Variants in DDX46 observed in about 807,000 individuals in gnomAD.
DDX46 encodes DEAD-box helicase 46.
DDX46 carries 30 observed loss-of-function variants against 134.9 expected under a neutral mutation model. That is an observed-to-expected ratio of 0.22 (90% CI 0.17 to 0.30). The LOEUF is 0.30. Among genes scored for constraint, DDX46 ranks in the 10% least tolerant of loss-of-function variants. DDX46 has a pLI of 1.00. For missense variants in DDX46, 622 were observed against 1,248.7 expected (o/e 0.50, Z 7.56); for synonymous variants, 415 against 404.1 (o/e 1.03, Z -0.32).
At chr5:134,787,284 A>T (rs1449135492) in intron 11 of DDX46, among the ~76,000 whole-genome samples, 1 of 152,196 alleles carries the variant, frequency 6.6e-6, no homozygotes, top group African/African-American at 2.4e-5. Flanking sequence ...GCTTAACTAG[A>T]AGAAGGCAAA....
chr5:134,811,081 A>C (rs1755128843), intron 16 of DDX46, 140 bp from the exon 17 acceptor site: 2 of 638,914 alleles, frequency 3.1e-6, no homozygotes, highest in Admixed American at 3.2e-5. Flanking sequence ...ATTTAGTAAG[A>C]CTCTTTCGTG....
intron 18 of DDX46, among the ~76,000 whole-genome samples, chr5:134,815,484 G>A (rs1051559339): frequency 2.6e-5 from 4 of 151,878 alleles, no homozygotes; most frequent in African/African-American, 7.3e-5. Flanking sequence ...CAAGGTGGGC[G>A]GATCACGAGG....
rs950364738 is a variant in DDX46 at position 134,790,556 on chromosome 5, A to G, written c.1626+4A>G. ...TGACATGGGTTTTGAACCCCAGGTA[A>G]TCATTAAATTTCTTAAGTGTTTTGA... is the stretch of plus-strand genomic sequence containing the variant. On this transcript the variant is annotated splice_donor_region_variant and intron_variant, in intron 13 of 22. Transcript: ENST00000452510. 4.4e-6 allele frequency: 7 copies of G among 1,607,954 alleles called. No homozygotes were observed. The highest frequency in any genetic ancestry group is 1.7e-5 in the Admixed American group (1 of 59,026).
chr5:134,815,961 T>TC (rs1755279242), intron 18 of DDX46, among the ~76,000 whole-genome samples: 1 of 152,052 alleles, frequency 6.6e-6, no homozygotes, highest in Non-Finnish European at 1.5e-5. Flanking sequence ...GTTATATCAC[T>TC]CCCCCTGAGA....
chr5:134,795,212 T>G (rs1298855458), intron 14 of DDX46, among the ~76,000 whole-genome samples, 198 bp downstream of exon 14: 2 of 143,014 alleles, frequency 1.4e-5, no homozygotes, highest in African/African-American at 5.3e-5. Flanking sequence ...TTGTTTTTTT[T>G]TTTTTTTGTT....
intron 2 of DDX46, among the ~76,000 whole-genome samples, chr5:134,764,542 CA>C (rs1454353571): frequency 6.6e-6 from 1 of 152,130 alleles, no homozygotes; most frequent in East Asian, 1.9e-4. Context: ...CTTGGCCTCC[CA>C]AAGTGCTGGG....
At position 134,811,343 on chromosome 5, in the gene DDX46, A is replaced by G; in HGVS notation, c.2271A>G (p.Lys757=). 6.2e-7 allele frequency: 1 copy of G among 1,614,056 alleles called. No individual in the cohort carries two copies. The highest frequency in any genetic ancestry group is 8.5e-7 in the Non-Finnish European group (1 of 1,179,970). ...TAGAGAAACTGTGGAGTGATTTCAA[A>G]GATCAGCAGAAAGCTGTGAGTTTTT... is the stretch of plus-strand genomic sequence containing the variant. ...PDLEKLWSDF[K]DQQKAEGKII... is the part of the protein sequence containing the mutation. The change falls in exon 17 of 23, where the codon AAA becomes AAG. Residue 757 remains lysine, a synonymous_variant. Coordinates refer to ENST00000452510, the MANE Select transcript of DDX46 (RefSeq NM_001300860.2).
At chr5:134,816,940 G>A in intron 19 of DDX46, 1 of 221,342 alleles carries the variant, frequency 4.5e-6, no homozygotes, top group Non-Finnish European at 8.8e-6. Context: ...ACAACTCCCT[G>A]GATATACAAA....
At chr5:134,782,461 G>A (rs1754183685) in intron 8 of DDX46, among the ~76,000 whole-genome samples, 2 of 151,854 alleles carry the variant, frequency 1.3e-5, no homozygotes, top group Non-Finnish European at 2.9e-5. Flanking sequence ...CCAATATGGT[G>A]AAACCCCATC....
At chr5:134,803,808 G>A (rs571334032) in intron 15 of DDX46, among the ~76,000 whole-genome samples, 7 of 151,566 alleles carry the variant, frequency 4.6e-5, no homozygotes, top group East Asian at 1.9e-4. Context: ...GTTGTTTCCC[G>A]TAATACTTGT....
At chr5:134,799,442 T>TA (rs1248304595) in intron 15 of DDX46, among the ~76,000 whole-genome samples, 1,961 of 138,262 alleles carry the variant, frequency 0.014, 42 homozygotes, top group African/African-American at 0.047. Flanking sequence ...TGTGAATATT[T>TA]AAAAAAAAAA....
intron 3 of DDX46, among the ~76,000 whole-genome samples, chr5:134,768,828 A>G (rs1217868960): frequency 6.6e-6 from 1 of 152,132 alleles, no homozygotes; most frequent in East Asian, 1.9e-4. Context: ...TGGGAGGCCG[A>G]GGTGGATGGA....
At chr5:134,797,664 T>C (rs1204379658) in intron 15 of DDX46, among the ~76,000 whole-genome samples, 15 of 152,172 alleles carry the variant, frequency 9.9e-5, no homozygotes, top group Non-Finnish European at 1.5e-5. Flanking sequence ...ACTTCTTGAT[T>C]GAGAGAGTGT....
intron 20 of DDX46, 128 bp downstream of exon 20, chr5:134,817,842 C>A: frequency 1.3e-6 from 1 of 767,284 alleles, no homozygotes; most frequent in Non-Finnish European, 2.1e-6. Context: ...GAGGATATAA[C>A]AATAGAAATT....
At chr5:134,822,708 T>A (rs757138818) in intron 21 of DDX46, among the ~76,000 whole-genome samples, 2 of 152,106 alleles carry the variant, frequency 1.3e-5, no homozygotes, top group Non-Finnish European at 2.9e-5. Flanking sequence ...CCCATTTAGC[T>A]GGGACCACAG....
In DDX46 at chr5:134,782,969, T is replaced by C. The variant is rs1465802262; in HGVS notation, c.1070T>C (p.Met357Thr). 1 of 1,613,812 alleles carries C rather than the reference T, an allele frequency of 6.2e-7. No homozygotes were observed. Residue 357 changes from methionine to threonine, a missense_variant, in exon 9 of 23, where the codon ATG becomes ACG. Physicochemically the swap from Met to Thr is moderately conservative, Grantham distance 81. This residue lies in a region of DDX46 where 63 missense variants were observed against 84.0 expected (regional missense o/e 0.75). Transcript: ENST00000452510. ...GAGGTAAATGTGTTTCGATTGGAAATGGAGGGCATTACAGTTAAAGGAAAA... is the reference window on the plus strand; with the variant it reads ...GAGGTAAATGTGTTTCGATTGGAAACGGAGGGCATTACAGTTAAAGGAAAA... ...QEEVNVFRLE[M>T]EGITVKGKGC...
intron 13 of DDX46, among the ~76,000 whole-genome samples, chr5:134,793,625 G>T (rs1462890545): frequency 6.6e-6 from 1 of 151,954 alleles, no homozygotes; most frequent in Non-Finnish European, 1.5e-5. Context: ...GACTGGTCTC[G>T]AACTCCTGAG....
intron 15 of DDX46, among the ~76,000 whole-genome samples, chr5:134,801,550 A>G (rs550765191): frequency 3.3e-5 from 5 of 152,178 alleles, no homozygotes; most frequent in Non-Finnish European, 5.9e-5. Flanking sequence ...CGAATGTGCC[A>G]CCATGCCCAA....
chr5:134,818,294 A>T (rs954270594), intron 20 of DDX46, among the ~76,000 whole-genome samples: 4 of 150,860 alleles, frequency 2.7e-5, no homozygotes, highest in African/African-American at 9.7e-5. Context: ...GGGTTTCTCC[A>T]TGTTGGTCAG....
Sources: gnomAD v4.1 joint callset for allele counts (sites outside exome capture counted in the v4.1 genomes callset) on GRCh38, gnomAD v4.1.1 for gene constraint, gnomAD v4.1.1 regional missense constraint, MANE v1.5 for transcripts, NCBI Gene and HGNC (gene_info 2026-07-23, HGNC 2026-07-21) for gene names.